The following PXDN variants were observed in gnomAD, a reference collection of about 807,000 sequenced individuals.
PXDN encodes peroxidasin homolog.
Under a neutral mutation model 140.3 loss-of-function variants are expected in PXDN, and 77 were observed. That is an observed-to-expected ratio of 0.55 (90% CI 0.46 to 0.66). The LOEUF (loss-of-function observed/expected upper bound fraction) is 0.66. Ranked by LOEUF, PXDN falls within the 30% of genes least tolerant of loss-of-function variation. The pLI is 0.00. For synonymous variants in PXDN, 911 were observed against 857.4 expected, an observed-to-expected ratio of 1.06 and a Z score of -1.09; for missense variants, 1,838 against 2,039.5, an observed-to-expected ratio of 0.90 and a Z score of 1.90.
In PXDN at chr2:1,665,032, A is replaced by G. The variant is rs776440363; in HGVS notation, c.1334T>C (p.Ile445Thr). 1.9e-5 allele frequency: 31 copies of G among 1,612,160 alleles called. 1 individual carries two copies. In the African/African-American group the frequency reaches 3.6e-4, roughly 19 times the overall value. Residue 445 changes from isoleucine (I) to threonine (T), a missense_variant, in exon 11 of 23, where the codon ATT becomes ACT. By Grantham distance (89) the Ile-to-Thr change is moderately conservative. This residue lies in a region of PXDN where 537 missense variants were observed against 583.9 expected (regional missense o/e 0.92). Transcript: ENST00000252804. ...CTGGAAATCCACGGTCTGGCCCTCAATAACGACTCTGTCCTGAGGCGTCAC... is the reference window on the plus strand; with the variant it reads ...CTGGAAATCCACGGTCTGGCCCTCAGTAACGACTCTGTCCTGAGGCGTCAC... The part of the protein sequence containing the change: ...FTVTPQDRVV[I>T]EGQTVDFQCE...
chr2:1,660,839 T>C lies in PXDN; in HGVS notation c.1837+42A>G, dbSNP rs751073437. 1 of 1,580,694 alleles carries C rather than the reference T, an allele frequency of 6.3e-7. No homozygotes were observed. Among genetic ancestry groups the C allele is most frequent in the Non-Finnish European group, 8.6e-7 (1 of 1,160,208 alleles). ...ACACTAGGGACCTGCGGGCTTTCTT[T>C]GTGGATACCATGTGGGTAGATGTGG... On this transcript the variant is annotated intron_variant, in intron 14 of 22. Transcript: ENST00000252804. The surrounding 1 kb of genome is among the most constrained non-coding windows in gnomAD (Gnocchi z 4.6).
At chr2:1,661,863 A>C (rs1019470183) in intron 13 of PXDN, among the ~76,000 whole-genome samples, 1 of 152,234 alleles carries the variant, frequency 6.6e-6, no homozygotes, top group Non-Finnish European at 1.5e-5. Context: ...CTCAAGGCTT[A>C]AGATCTGAAT....
At chr2:1,704,407 T>C (rs1193885517) in intron 1 of PXDN, among the ~76,000 whole-genome samples, 1 of 24,038 alleles carries the variant, frequency 4.2e-5, no homozygotes, top group Admixed American at 6.0e-4. Flanking sequence ...CAACTCCAGG[T>C]GAAGGAGGGC....
intron 16 of PXDN, 31 bp downstream of exon 16, chr2:1,653,597 T>C (rs748836084): frequency 9.9e-6 from 16 of 1,609,532 alleles, no homozygotes; most frequent in Admixed American, 5.0e-5. Flanking sequence ...ACTCAGGCCA[T>C]GGAGGAGGAA....
intron 11 of PXDN, chr2:1,664,749 G>C (rs762359729): frequency 5.0e-5 from 26 of 522,586 alleles, no homozygotes; most frequent in Middle Eastern, 1.0e-3. Flanking sequence ...TTCCTGCCAT[G>C]ATGTCCATGA....
rs962595938 is a variant in PXDN at position 1,664,987 on chromosome 2, G to A, written c.1379C>T (p.Pro460Leu). Residue 460 changes from proline (P) to leucine (L), a missense_variant, in exon 11 of 23, where the codon CCG (proline) becomes CTG (leucine). By Grantham distance (98) the Pro-to-Leu change is moderately conservative (BLOSUM62 -3). Transcript: ENST00000252804. ...CTTGGTCCAGGCGATGACGGGCGGC[G>A]GGTTGCCCTTGGCTTCACACTGGAA... ...VDFQCEAKGN[P>L]PPVIAWTKGG... 9.3e-6 allele frequency: 15 copies of A among 1,612,262 alleles called. No individual in the cohort carries two copies. Among genetic ancestry groups the A allele is most frequent in the East Asian group, 4.5e-5 (2 of 44,848 alleles).
rs946301898 is a variant in PXDN, at chr2:1,634,178, C to T, written c.*26G>A. On this transcript the variant is annotated 3_prime_UTR_variant, in exon 23 of 23. Coordinates refer to ENST00000252804, the MANE Select transcript of PXDN (RefSeq NM_012293.3). The stretch of plus-strand genomic sequence containing the variant: ...CCCGATCTCACGATGGCACAGCAGA[C>T]AAACTCTGAGGAGCCTCCCAGGAGC... The T allele has an allele frequency of 1.5e-5, 23 of 1,555,720 alleles. No homozygotes were observed. Among genetic ancestry groups the T allele is most frequent in the Non-Finnish European group, 1.8e-5 (21 of 1,149,164 alleles).
Position 1,635,493 on chromosome 2 carries a change from G to T in PXDN, c.4235C>A (p.Thr1412Asn). The change falls in exon 22 of 23, where the codon ACC (threonine) becomes AAC (asparagine). Residue 1412 changes from threonine to asparagine, a missense_variant. Physicochemically the swap from Thr to Asn is moderately conservative, Grantham distance 65 (BLOSUM62 0). This residue lies in a region of PXDN where 850 missense variants were observed against 894.1 expected (regional missense o/e 0.95). Coordinates refer to ENST00000252804, the MANE Select transcript of PXDN (RefSeq NM_012293.3). ...QIKKLESRLS[T>N]TECVDAGGES... ...GCCCCCGGCATCCACGCACTCTGTG[G>T]TACTGAGCCGTGATTCAAGTTTCTT... 6.3e-7 allele frequency: 1 copy of T among 1,595,552 alleles called. No individual in the cohort carries two copies. Among genetic ancestry groups the T allele is most frequent in the Non-Finnish European group, 8.5e-7 (1 of 1,169,936 alleles).
intron 1 of PXDN, among the ~76,000 whole-genome samples, chr2:1,710,459 C>A (rs1245807318): frequency 6.6e-6 from 1 of 152,008 alleles, no homozygotes; most frequent in Admixed American, 6.6e-5. Context: ...GATGAGCACC[C>A]GTTCCACCAG....
intron 6 of PXDN, among the ~76,000 whole-genome samples, chr2:1,681,112 G>T (rs1050297725): frequency 6.6e-6 from 1 of 152,154 alleles, no homozygotes; most frequent in African/African-American, 2.4e-5. Flanking sequence ...ACAGCCAGGT[G>T]GGAAGGGGTC....
At position 1,673,791 on chromosome 2, in the gene PXDN, T is replaced by C. The variant is rs368253249; in HGVS notation, c.870A>G (p.Thr290=). Residue 290 remains threonine, a synonymous_variant, in exon 9 of 23, where the codon ACA becomes ACG. Transcript: ENST00000252804. ...CGTCCAGCAAGTTTAGGCGGGAATC[T>C]GTCTTCATGCTCAGCTCATTACTAC... is the stretch of plus-strand genomic sequence containing the variant. ...LRNNNELSMK[T]DSRLNLLDDG... 1 of 1,613,930 alleles carries C rather than the reference T, an allele frequency of 6.2e-7. No individual in the cohort carries two copies. Among genetic ancestry groups the C allele is most frequent in the African/African-American group, 1.3e-5 (1 of 74,948 alleles).
intron 12 of PXDN, 34 bp downstream of exon 12, chr2:1,663,571 A>G (rs375235812): frequency 1.2e-6 from 2 of 1,607,144 alleles, no homozygotes; most frequent in Non-Finnish European, 8.5e-7. Context: ...CGATCTGAGA[A>G]AATCAATTCA....
chr2:1,744,190 C>A, intron 1 of PXDN, 66 bp downstream of exon 1: 1 of 1,406,812 alleles, frequency 7.1e-7, no homozygotes, highest in Non-Finnish European at 9.3e-7. Flanking sequence ...CTCCGATCAC[C>A]CCTGCGCTCC....
At chr2:1,681,058 G>C (rs1468320230) in intron 6 of PXDN, among the ~76,000 whole-genome samples, 1 of 152,206 alleles carries the variant, frequency 6.6e-6, no homozygotes, top group Non-Finnish European at 1.5e-5. Context: ...AGCAAACACA[G>C]GCTACAGGGC....
At chr2:1,709,957 A>C (rs1011190535) in intron 1 of PXDN, among the ~76,000 whole-genome samples, 3 of 152,148 alleles carry the variant, frequency 2.0e-5, no homozygotes, top group African/African-American at 7.2e-5. Flanking sequence ...AAGCTGCCCC[A>C]TCCATGGTGT....
At chr2:1,717,200 C>T (rs899616157) in intron 1 of PXDN, among the ~76,000 whole-genome samples, 8 of 152,240 alleles carry the variant, frequency 5.3e-5, no homozygotes, top group African/African-American at 1.2e-4. Flanking sequence ...GCTGAGGCCA[C>T]TCCTGAGAAA....
intron 9 of PXDN, among the ~76,000 whole-genome samples, chr2:1,672,943 G>A (rs367709008): frequency 3.9e-5 from 6 of 152,282 alleles, no homozygotes; most frequent in African/African-American, 1.4e-4. Flanking sequence ...TTCTGCACAG[G>A]ACGACAGGCA....
intron 7 of PXDN, 137 bp from the exon 8 acceptor site, chr2:1,677,181 C>A (rs1683738792): frequency 3.9e-6 from 3 of 763,206 alleles, no homozygotes; most frequent in Non-Finnish European, 6.3e-6. Context: ...AAACATCCCC[C>A]ACAAAAGTGC....
At position 1,653,659 on chromosome 2, in the gene PXDN, C is replaced by T. The variant is rs1359763686; in HGVS notation, c.2073G>A (p.Gln691=). Residue 691 remains glutamine, a synonymous_variant, in exon 16 of 23, where the codon CAG becomes CAA. Coordinates refer to ENST00000252804, the MANE Select transcript of PXDN (RefSeq NM_012293.3). ...CGTTGAGGTCGACCATCAAGCCATG[C>T]TGTACATGCTCCTGAATGAGCTGCA... ...RTLQLIQEHV[Q]HGLMVDLNGT... is the part of the protein sequence containing the mutation. 2 of 1,612,732 alleles carry T rather than the reference C, an allele frequency of 1.2e-6. No individual in the cohort carries two copies. The highest frequency in any genetic ancestry group is 1.7e-6 in the Non-Finnish European group (2 of 1,179,504).
Sources: allele counts gnomAD v4.1 joint callset (sites outside exome capture counted in the v4.1 genomes callset), GRCh38; gene constraint gnomAD v4.1.1; regional missense constraint gnomAD v4.1.1; non-coding constraint Gnocchi (gnomAD v3.1); transcripts MANE v1.5; gene names NCBI Gene and HGNC (gene_info 2026-07-23, HGNC 2026-07-21).